The following TTC28 variants were observed in gnomAD, a reference collection of about 807,000 sequenced individuals.
TTC28 encodes the protein tetratricopeptide repeat domain 28.
TTC28 carries 61 observed loss-of-function variants against 198.0 expected under a neutral mutation model. The observed-to-expected ratio is 0.31, with a 90% CI of 0.25 to 0.38. The LOEUF (loss-of-function observed/expected upper bound fraction) is 0.38. Among genes scored for constraint, TTC28 ranks in the 10% least tolerant of loss-of-function variants. TTC28 has a pLI of 1.00. For missense variants in TTC28, 2,678 were observed against 3,164.0 expected (o/e 0.85, Z 3.69); for synonymous variants, 1,171 against 1,297.8 (o/e 0.90, Z 2.10).
At chr22:28,525,418 G>C (rs144645851) in intron 2 of TTC28, among the ~76,000 whole-genome samples, 167 of 152,244 alleles carry the variant, frequency 1.1e-3, no homozygotes, top group African/African-American at 3.7e-3. Context: ...GCTTCTCAAA[G>C]TGCTGGGATT....
At chr22:28,279,907 C>A (rs190595698) in intron 5 of TTC28, among the ~76,000 whole-genome samples, 1 of 152,174 alleles carries the variant, frequency 6.6e-6, no homozygotes, top group Non-Finnish European at 1.5e-5. Flanking sequence ...TATCTGATTT[C>A]TTTCACACAG....
In TTC28 at chr22:28,419,004, G is replaced by A. The variant is rs1301856841; in HGVS notation, c.382-112361C>T. Among the ~76,000 whole-genome samples the A allele has an allele frequency of 3.9e-5, 6 of 152,260 alleles. No homozygotes were observed. In the East Asian group the frequency reaches 1.2e-3, roughly 29 times the overall value. ...AAGATTTACTGAGACAGACTCTGTA[G>A]GAGCAGAGTCTGGAAATGTGTATTT... On this transcript the variant is annotated intron_variant, in intron 2 of 22. Transcript: ENST00000397906.
intron 3 of TTC28, among the ~76,000 whole-genome samples, chr22:28,301,225 A>G (rs1459759916): frequency 1.3e-5 from 2 of 152,356 alleles, no homozygotes; most frequent in Non-Finnish European, 2.9e-5. Flanking sequence ...CTCCGATTTT[A>G]GAGTAAACTT....
intron 2 of TTC28, among the ~76,000 whole-genome samples, chr22:28,382,727 A>G (rs576867045): frequency 6.6e-6 from 1 of 152,344 alleles, no homozygotes; most frequent in South Asian, 2.1e-4. Flanking sequence ...CTATAGTAGT[A>G]TAAAATAAAG....
intron 12 of TTC28, among the ~76,000 whole-genome samples, chr22:28,081,151 A>G (rs1941341130): frequency 4.2e-5 from 1 of 23,676 alleles, no homozygotes; most frequent in South Asian, 1.5e-3. Flanking sequence ...ATGGACATAC[A>G]TACACACACA....
chr22:27,989,228 C>CCA (rs470099), intron 21 of TTC28, among the ~76,000 whole-genome samples: 16,161 of 152,198 alleles, frequency 0.11, 994 homozygotes, highest in African/African-American at 0.17. Flanking sequence ...GAGGCCCCTG[C>CCA]TATGTGCAGT....
intron 2 of TTC28, among the ~76,000 whole-genome samples, chr22:28,366,435 C>T (rs765740829): frequency 4.6e-5 from 7 of 151,970 alleles, no homozygotes; most frequent in East Asian, 3.9e-4. Context: ...AGTCATAATC[C>T]TTGTCCCTAC....
In TTC28 at chr22:28,392,870, C is replaced by CTTTTTT. The variant is rs1245558034; in HGVS notation, c.382-86233_382-86228dup. 1.2e-3 allele frequency among the ~76,000 whole-genome samples: 100 copies of CTTTTTT among 80,672 alleles called. 1 individual carries two copies. Among genetic ancestry groups the CTTTTTT allele is most frequent in the Non-Finnish European group, 1.6e-3 (75 of 46,370 alleles). The allele number at this position is 80,672 out of a possible 152,430, so 52.9% of individuals were successfully genotyped here. On this transcript the variant is annotated intron_variant, in intron 2 of 22. Transcript: ENST00000397906. The stretch of plus-strand genomic sequence containing the variant: ...ATTCGGCCATCTTGGTTCCTCCCTC[C>CTTTTTT]TTTTTTTTTTTTTTTTTTTTTTTGA...
intron 5 of TTC28, among the ~76,000 whole-genome samples, chr22:28,179,736 C>T (rs1340855097): frequency 6.6e-6 from 1 of 152,142 alleles, no homozygotes; most frequent in Middle Eastern, 3.2e-3. Flanking sequence ...ACAGTGGGCA[C>T]AACAAATAAA....
chr22:28,100,311 C>T (rs1942105537), intron 9 of TTC28, among the ~76,000 whole-genome samples: 1 of 152,152 alleles, frequency 6.6e-6, no homozygotes. Context: ...TTCAGAGACT[C>T]AATTTCTTCC....
At chr22:28,419,110 G>T (rs1394894797) in intron 2 of TTC28, among the ~76,000 whole-genome samples, 1 of 152,118 alleles carries the variant, frequency 6.6e-6, no homozygotes, top group Non-Finnish European at 1.5e-5. Context: ...CTGTCACTCT[G>T]AAGAACCTAA....
At chr22:28,276,430 T>C (rs1932436789) in intron 5 of TTC28, among the ~76,000 whole-genome samples, 1 of 152,160 alleles carries the variant, frequency 6.6e-6, no homozygotes, top group Admixed American at 6.5e-5. Context: ...ACCTGACTGA[T>C]GTGGATTCAG....
At chr22:28,357,592 T>C (rs2046098563) in intron 2 of TTC28, among the ~76,000 whole-genome samples, 1 of 152,196 alleles carries the variant, frequency 6.6e-6, no homozygotes, top group South Asian at 2.1e-4. Context: ...ATTACAGGCA[T>C]GAGCCACCAA....
chr22:28,408,380 A>G (rs953119220), intron 2 of TTC28, among the ~76,000 whole-genome samples: 11 of 152,078 alleles, frequency 7.2e-5, no homozygotes, highest in Non-Finnish European at 1.6e-4. Flanking sequence ...ACTATGATGA[A>G]AAAGTCCCAA....
At chr22:28,161,591 C>A (rs1379172028) in intron 6 of TTC28, among the ~76,000 whole-genome samples, 1 of 151,654 alleles carries the variant, frequency 6.6e-6, no homozygotes, top group South Asian at 2.1e-4. Flanking sequence ...GAGTTTGAGG[C>A]TGCAGTGAGC....
intron 5 of TTC28, among the ~76,000 whole-genome samples, chr22:28,205,986 G>A (rs1027082664): frequency 6.8e-6 from 1 of 147,852 alleles, no homozygotes; most frequent in African/African-American, 2.5e-5. Context: ...ATGTAGCCAT[G>A]GGGTGTCAAA....
Position 28,406,835 on chromosome 22 carries a change from T to C in TTC28, c.382-100192A>G, listed in dbSNP as rs537491060. 8.5e-5 allele frequency among the ~76,000 whole-genome samples: 13 copies of C among 152,326 alleles called. No homozygotes were observed. The South Asian group carries it at 2.5e-3, about 29-fold the overall frequency. On this transcript the variant is annotated intron_variant, in intron 2 of 22. Coordinates refer to ENST00000397906, the MANE Select transcript of TTC28 (RefSeq NM_001145418.2). ...GTTCCTCTCTATGCTTTACTTCCTC[T>C]GGGAAATGATTTTGTTTTCAGTTTA...
chr22:28,256,455 C>T (rs1354014911), intron 5 of TTC28, among the ~76,000 whole-genome samples: 2 of 147,860 alleles, frequency 1.4e-5, no homozygotes, highest in African/African-American at 5.0e-5. Context: ...GAGACTTGAA[C>T]ATATGTACAG....
At chr22:28,559,853 C>G (rs890875725) in intron 2 of TTC28, among the ~76,000 whole-genome samples, 1 of 152,156 alleles carries the variant, frequency 6.6e-6, no homozygotes, top group Admixed American at 6.5e-5. Flanking sequence ...CAAACACTCT[C>G]TAAGTATCTC....
Sources: gnomAD v4.1 joint callset for allele counts (sites outside exome capture counted in the v4.1 genomes callset) on GRCh38, gnomAD v4.1.1 for gene constraint, MANE v1.5 for transcripts, NCBI Gene and HGNC (gene_info 2026-07-23, HGNC 2026-07-21) for gene names.